MROH1: variants seen among roughly 807,000 people sequenced by gnomAD.
MROH1 encodes the protein maestro heat like repeat family member 1, also known as maestro heat-like repeat-containing protein family member 1.
A neutral mutation model predicts 116.5 loss-of-function variants in MROH1; 117 were observed. The ratio of observed to expected loss-of-function variants is 1.00; its 90% confidence interval spans 0.86 to 1.17. MROH1 has a LOEUF of 1.17. MROH1 is among the 50% of genes most tolerant of loss of function. The pLI is 0.00. For synonymous variants in MROH1, 921 were observed against 583.9 expected (o/e 1.58, Z -8.32); for missense variants, 1,873 against 1,338.5 (o/e 1.40, Z -6.23).
chr8:144,239,018 G>A lies in MROH1; in HGVS notation c.1447-17G>A. The stretch of plus-strand genomic sequence containing the variant: ...CGCCCTCTGGGCGGATGCAGACCAG[G>A]CCCTCTGCTCCCCTAGGTCCTCTGG... On this transcript the variant is annotated splice_polypyrimidine_tract_variant and intron_variant, in intron 15 of 43. Transcript: ENST00000326134. The A allele has an allele frequency of 1.3e-6, 1 of 777,068 alleles. No individual in the cohort carries two copies. The highest frequency in any genetic ancestry group is 2.4e-6 in the Non-Finnish European group (1 of 417,756). 48.1% of individuals were successfully genotyped at this position (777,068 alleles called of 1,614,324 possible). A position where few individuals can be genotyped will look rare whatever the true frequency, so the allele number is the denominator to read the frequency against.
At chr8:144,151,957 C>A (rs1816908221) in intron 1 of MROH1, among the ~76,000 whole-genome samples, 1 of 152,212 alleles carries the variant, frequency 6.6e-6, no homozygotes, top group African/African-American at 2.4e-5. Context: ...GCACAGTCCC[C>A]ATATGTCTGC....
Position 144,259,259 on chromosome 8 carries a change from G to A in MROH1, c.3949G>A (p.Gly1317Arg), listed in dbSNP as rs1434935359. ...TCCCAGGGCCATGGCTGAGCACGCA[G>A]GGCCCCGACTCCCCCTGGTGCTGAA... ...RLARAMAEHA[G>R]PRLPLVLKTL... Residue 1317 changes from glycine (G) to arginine (R), a missense_variant, in exon 37 of 44, where the codon GGG (glycine) becomes AGG (arginine). Coordinates refer to ENST00000326134, the MANE Select transcript of MROH1 (RefSeq NM_032450.3). The A allele has an allele frequency of 1.4e-6, 1 of 714,454 alleles. No individual in the cohort carries two copies. Among genetic ancestry groups the A allele is most frequent in the Admixed American group, 2.0e-5 (1 of 50,006 alleles). 44.3% of individuals were successfully genotyped at this position (714,454 alleles called of 1,614,324 possible).
chr8:144,150,586 C>A (rs1816486369), intron 1 of MROH1, among the ~76,000 whole-genome samples: 1 of 152,238 alleles, frequency 6.6e-6, no homozygotes, highest in African/African-American at 2.4e-5. Context: ...GTGCTGGCCT[C>A]ACTGCAAGCC....
intron 35 of MROH1, among the ~76,000 whole-genome samples, chr8:144,256,616 C>T (rs1407443572): frequency 3.9e-5 from 6 of 152,230 alleles, no homozygotes; most frequent in Non-Finnish European, 8.8e-5. Flanking sequence ...CGAATCAGTG[C>T]CTCCGCCCCG....
At chr8:144,187,674 G>C (rs901410585) in intron 7 of MROH1, among the ~76,000 whole-genome samples, 1 of 152,218 alleles carries the variant, frequency 6.6e-6, no homozygotes, top group Non-Finnish European at 1.5e-5. Context: ...CTTCTGATGA[G>C]AGTCCCGCAG....
intron 12 of MROH1, among the ~76,000 whole-genome samples, chr8:144,218,302 A>G (rs1835722084): frequency 1.3e-5 from 2 of 151,974 alleles, no homozygotes; most frequent in Non-Finnish European, 2.9e-5. Context: ...GGTGTTTTCC[A>G]AAGTCCCCAT....
intron 7 of MROH1, among the ~76,000 whole-genome samples, chr8:144,188,519 GTGCA>G (rs1827782566): frequency 0.12 from 1 of 8 alleles, no homozygotes; most frequent in South Asian, 0.5. Flanking sequence ...CCAGGCTGGA[GTGCA>G]TGGCGTGATC....
rs1182288704 is a variant in MROH1 at position 144,239,310 on chromosome 8, CTCTCA to C, written c.1592-8_1592-4del. On this transcript the variant is annotated splice_polypyrimidine_tract_variant and splice_region_variant and intron_variant, in intron 16 of 43. Transcript: ENST00000326134. ...GCAGCCCCCCACTGACTATTTCCACCTCTCATCTCCAGCGAGCCTCCCGTCTCCCT... is the reference window on the plus strand; with the variant it reads ...GCAGCCCCCCACTGACTATTTCCACCTCTCCAGCGAGCCTCCCGTCTCCCT... The C allele has an allele frequency of 2.6e-6, 2 of 780,294 alleles. No homozygotes were observed. Among genetic ancestry groups the C allele is most frequent in the African/African-American group, 3.4e-5 (2 of 59,108 alleles). 48.3% of individuals were successfully genotyped at this position (780,294 alleles called of 1,614,324 possible).
At chr8:144,240,195 G>A (rs1588430556) in intron 19 of MROH1, 42 bp downstream of exon 19, 4 of 743,856 alleles carry the variant, frequency 5.4e-6, no homozygotes, top group African/African-American at 5.1e-5. Flanking sequence ...TTAAGGTGTT[G>A]TCTGGCCTGG....
Position 144,163,658 on chromosome 8 carries a change from C to T in MROH1, c.-56-113C>T, listed in dbSNP as rs2130871597. 2.9e-6 allele frequency: 2 copies of T among 692,712 alleles called. No individual in the cohort carries two copies. Among genetic ancestry groups the T allele is most frequent in the Non-Finnish European group, 4.8e-6 (2 of 418,668 alleles). The allele number at this position is 692,712 out of a possible 1,614,324, so 42.9% of individuals were successfully genotyped here. A position where few individuals can be genotyped will look rare whatever the true frequency, so the allele number is the denominator to read the frequency against. On this transcript the variant is annotated intron_variant, in intron 2 of 43. Transcript: ENST00000326134. This position sits in a 1 kb window ranked among gnomAD's most constrained non-coding sequence, Gnocchi z 4.4. The stretch of plus-strand genomic sequence containing the variant: ...CAAAGAAAATGTGACGGAGATATTT[C>T]CCCCAGAATAAATTCATTTAAATTG...
intron 4 of MROH1, 124 bp from the exon 5 acceptor site, chr8:144,179,331 C>T: frequency 7.2e-7 from 1 of 1,385,480 alleles, no homozygotes; most frequent in Non-Finnish European, 9.8e-7. Context: ...AGGTGTACCC[C>T]TCCCCTCCTG....
chr8:144,191,986 G>T (rs1564439914), intron 9 of MROH1, 131 bp downstream of exon 9: 1 of 1,080,294 alleles, frequency 9.3e-7, no homozygotes, highest in East Asian at 2.5e-5. Flanking sequence ...CTAAGGCTCA[G>T]TGGTGGGCTG....
At chr8:144,192,439 CA>C (rs1724358242) in intron 10 of MROH1, 38 bp downstream of exon 10, 7 of 1,517,660 alleles carry the variant, frequency 4.6e-6, no homozygotes, top group Admixed American at 3.9e-5. Context: ...CCAGGTTCTG[CA>C]CACCCTTCCG....
chr8:144,173,135 G>A lies in MROH1; in HGVS notation c.168+4695G>A, dbSNP rs1038233543. On this transcript the variant is annotated intron_variant, in intron 4 of 43. Coordinates refer to ENST00000326134, the MANE Select transcript of MROH1 (RefSeq NM_032450.3). Reference sequence around the variant, plus strand: ...TTTTTTTTTCCTGAGGCAGAGTCTCGCTCTGTTGCCCAGGCTTGAGTGCAG... The same window carrying A: ...TTTTTTTTTCCTGAGGCAGAGTCTCACTCTGTTGCCCAGGCTTGAGTGCAG... Among the ~76,000 whole-genome samples, 15 of 137,802 alleles carry A rather than the reference G, an allele frequency of 1.1e-4. No individual in the cohort carries two copies. In the Middle Eastern group the frequency reaches 0.013, roughly 116 times the overall value. The allele number at this position is 137,802 out of a possible 152,430, so 90.4% of individuals were successfully genotyped here.
At chr8:144,170,738 C>T (rs963831280) in intron 4 of MROH1, among the ~76,000 whole-genome samples, 1 of 152,178 alleles carries the variant, frequency 6.6e-6, no homozygotes, top group African/African-American at 2.4e-5. Flanking sequence ...TTTTTATGAA[C>T]CCAGAGGCCC....
chr8:144,200,634 C>T, intron 12 of MROH1, 93 bp downstream of exon 12: 1 of 908,076 alleles, frequency 1.1e-6, no homozygotes, highest in Admixed American at 2.2e-5. Context: ...GTGAAAGCAC[C>T]ATCCTGCTTT....
At chr8:144,212,783 G>A (rs1162475810) in intron 12 of MROH1, among the ~76,000 whole-genome samples, 1 of 151,656 alleles carries the variant, frequency 6.6e-6, no homozygotes, top group Non-Finnish European at 1.5e-5. Flanking sequence ...TACAGATAGG[G>A]TTTCACCATG....
chr8:144,205,892 A>G (rs1832709824), intron 12 of MROH1, among the ~76,000 whole-genome samples: 1 of 152,200 alleles, frequency 6.6e-6, no homozygotes, highest in Non-Finnish European at 1.5e-5. Context: ...AAATGCAGTA[A>G]AATGCATAAA....
At chr8:144,219,764 C>T (rs772502135) in intron 12 of MROH1, among the ~76,000 whole-genome samples, 2 of 152,170 alleles carry the variant, frequency 1.3e-5, no homozygotes, top group Admixed American at 6.5e-5. Flanking sequence ...TAGAGAGCTG[C>T]AGCTGGCCTC....
Sources: gnomAD v4.1 joint callset for allele counts (sites outside exome capture counted in the v4.1 genomes callset) on GRCh38, gnomAD v4.1.1 for gene constraint, Gnocchi (gnomAD v3.1) non-coding constraint, MANE v1.5 for transcripts, NCBI Gene and HGNC (gene_info 2026-07-23, HGNC 2026-07-21) for gene names.